The following TRPM6 variants were observed in gnomAD, a reference collection of about 807,000 sequenced individuals.
The protein encoded by TRPM6 is channel kinase 2.
Under a neutral mutation model 247.6 loss-of-function variants are expected in TRPM6, and 111 were observed. That is an observed-to-expected ratio of 0.45 (90% CI 0.38 to 0.52). TRPM6 has a LOEUF of 0.52. Among genes scored for constraint, TRPM6 ranks in the 20% least tolerant of loss-of-function variants. The pLI, the probability that TRPM6 is intolerant of heterozygous loss-of-function variation, is 0.00. For missense variants in TRPM6, 2,126 were observed against 2,421.5 expected, an observed-to-expected ratio of 0.88 and a Z score of 2.56; for synonymous variants, 892 against 853.8, an observed-to-expected ratio of 1.04 and a Z score of -0.78.
At chr9:74,794,099 G>A (rs1029260391) in intron 18 of TRPM6, among the ~76,000 whole-genome samples, 4 of 152,094 alleles carry the variant, frequency 2.6e-5, no homozygotes, top group African/African-American at 9.7e-5. Flanking sequence ...TAAGGGTAGC[G>A]AAAGGAAAGC....
intron 15 of TRPM6, among the ~76,000 whole-genome samples, chr9:74,802,717 A>T (rs1226679069): frequency 2.6e-5 from 4 of 152,244 alleles, no homozygotes; most frequent in Admixed American, 2.6e-4. Flanking sequence ...TGTAGCCAAC[A>T]TGTATCCAAA....
intron 9 of TRPM6, among the ~76,000 whole-genome samples, chr9:74,818,577 A>G (rs1829032518): frequency 6.6e-6 from 1 of 152,182 alleles, no homozygotes; most frequent in Non-Finnish European, 1.5e-5. Context: ...TGCTGGGATT[A>G]TAGGCGTGAG....
chr9:74,842,358 C>A lies in TRPM6; in HGVS notation c.153-15G>T. On this transcript the variant is annotated splice_polypyrimidine_tract_variant and intron_variant, in intron 3 of 38. Coordinates refer to ENST00000360774, the MANE Select transcript of TRPM6 (RefSeq NM_017662.5). ...CACAGTAACACCTTAAATTCAAGAC[C>A]AAAAAAAAACTCAACTTCAAAATAG... 6.2e-7 allele frequency: 1 copy of A among 1,601,808 alleles called. No homozygotes were observed. The highest frequency in any genetic ancestry group is 8.5e-7 in the Non-Finnish European group (1 of 1,171,452).
chr9:74,849,518 A>G (rs1356324555), intron 3 of TRPM6, among the ~76,000 whole-genome samples: 1 of 152,142 alleles, frequency 6.6e-6, no homozygotes, highest in Non-Finnish European at 1.5e-5. Context: ...AGCCAAGGAG[A>G]GATCACAAGA....
chr9:74,783,987 A>G (rs1454847545), intron 21 of TRPM6, among the ~76,000 whole-genome samples: 1 of 152,114 alleles, frequency 6.6e-6, no homozygotes, highest in East Asian at 1.9e-4. Context: ...CGGGCTCAGT[A>G]GCTCACGCCT....
At position 74,782,737 on chromosome 9, in the gene TRPM6, A is replaced by T; in HGVS notation, c.3036T>A (p.Asp1012Glu). The T allele has an allele frequency of 1.2e-6, 2 of 1,614,198 alleles. No individual in the cohort carries two copies. Among genetic ancestry groups the T allele is most frequent in the South Asian group, 1.1e-5 (1 of 91,078 alleles). ...TCATCCAGTATGGCTCAAATACAAT[A>T]TCTCGAGCTAGACTCCAAGATGGTG... ...KEPPSWSLAR[D>E]IVFEPYWMIY... The change falls in exon 22 of 39, where the codon GAT becomes GAA. Residue 1012 changes from aspartate (D) to glutamate (E), a missense_variant. Coordinates refer to ENST00000360774, the MANE Select transcript of TRPM6 (RefSeq NM_017662.5).
intron 6 of TRPM6, among the ~76,000 whole-genome samples, chr9:74,829,165 C>T (rs1013421794): frequency 1.6e-4 from 25 of 151,964 alleles, no homozygotes; most frequent in African/African-American, 5.6e-4. Context: ...TGGTGGCATG[C>T]GCCTGTAGTC....
At chr9:74,797,411 T>C (rs182363813) in intron 17 of TRPM6, among the ~76,000 whole-genome samples, 9 of 152,332 alleles carry the variant, frequency 5.9e-5, no homozygotes, top group Non-Finnish European at 1.3e-4. Context: ...TGTATTTCCA[T>C]ATAACCTATG....
chr9:74,748,544 CCT>C (rs750206341), intron 30 of TRPM6, among the ~76,000 whole-genome samples: 6 of 151,980 alleles, frequency 3.9e-5, no homozygotes, highest in Non-Finnish European at 5.9e-5. Flanking sequence ...TGATCCTGAT[CCT>C]GTGTAGGTCT....
At chr9:74,752,727 T>C (rs761941760) in intron 28 of TRPM6, among the ~76,000 whole-genome samples, 5 of 152,184 alleles carry the variant, frequency 3.3e-5, no homozygotes, top group Non-Finnish European at 7.3e-5. Context: ...ATTTAAAATA[T>C]GTGAAATTTA....
At chr9:74,727,455 G>A (rs921411326) in intron 38 of TRPM6, among the ~76,000 whole-genome samples, 4 of 150,898 alleles carry the variant, frequency 2.7e-5, no homozygotes, top group Admixed American at 6.6e-5. Flanking sequence ...CCCAGGTTAC[G>A]ATGGATGGTG....
chr9:74,823,301 C>T (rs1407605509), intron 7 of TRPM6, among the ~76,000 whole-genome samples: 3 of 152,182 alleles, frequency 2.0e-5, no homozygotes, highest in African/African-American at 7.2e-5. Flanking sequence ...AAGAACACCA[C>T]GTTGCTAAGT....
chr9:74,829,449 A>G (rs767761191), intron 6 of TRPM6, among the ~76,000 whole-genome samples: 17 of 152,226 alleles, frequency 1.1e-4, no homozygotes, highest in Non-Finnish European at 2.1e-4. Context: ...TATTTAGAGT[A>G]AGAAAGCCCA....
chr9:74,839,885 GGAAGGAA>G, intron 5 of TRPM6, 132 bp downstream of exon 5: 1 of 579,426 alleles, frequency 1.7e-6, no homozygotes, highest in Non-Finnish European at 3.0e-6. Context: ...AAGGAAGGAA[GGAAGGAA>G]GGAGGGAGGG....
chr9:74,803,295 T>TACACACACAC (rs3056763), intron 15 of TRPM6, among the ~76,000 whole-genome samples: 2 of 149,424 alleles, frequency 1.3e-5, no homozygotes, highest in Admixed American at 1.3e-4. Flanking sequence ...AACAATGTTG[T>TACACACACAC]ACACACACAC....
At chr9:74,737,341 C>T in intron 36 of TRPM6, 1 of 1,281,890 alleles carries the variant, frequency 7.8e-7, no homozygotes, top group Admixed American at 2.4e-5. Flanking sequence ...AATCAAAGTA[C>T]TTTGCAGTCT....
intron 36 of TRPM6, chr9:74,737,330 C>T: frequency 7.9e-7 from 1 of 1,268,410 alleles, no homozygotes; most frequent in Non-Finnish European, 1.0e-6. Context: ...ACACAAGTTT[C>T]AATCAAAGTA....
At chr9:74,731,702 T>C (rs1825527219) in intron 37 of TRPM6, among the ~76,000 whole-genome samples, 1 of 147,364 alleles carries the variant, frequency 6.8e-6, no homozygotes, top group Admixed American at 6.8e-5. Context: ...ATACATATAA[T>C]ATATATAATA....
At chr9:74,725,926 A>G (rs1825303065) in intron 38 of TRPM6, among the ~76,000 whole-genome samples, 1 of 152,332 alleles carries the variant, frequency 6.6e-6, no homozygotes, top group East Asian at 1.9e-4. Context: ...CCAAGGTCAT[A>G]TAGCTGGTAA....
Sources: gnomAD v4.1 joint callset for allele counts (sites outside exome capture counted in the v4.1 genomes callset) on GRCh38, gnomAD v4.1.1 for gene constraint, MANE v1.5 for transcripts, NCBI Gene and HGNC (gene_info 2026-07-23, HGNC 2026-07-21) for gene names.